The following PCBP3 variants were observed in gnomAD, a reference collection of about 807,000 sequenced individuals.
PCBP3 encodes the protein poly(rC)-binding protein 3.
A neutral mutation model predicts 52.7 loss-of-function variants in PCBP3; 25 were observed. The ratio of observed to expected loss-of-function variants is 0.47; its 90% CI spans 0.35 to 0.66. PCBP3 has a LOEUF of 0.66. PCBP3 is among the 30% of genes least tolerant of loss of function. The probability of loss-of-function intolerance (pLI) is 0.01; values close to 1 mark genes in which losing one functional copy is unlikely to be tolerated. For missense variants in PCBP3, 391 were observed against 490.3 expected, an observed-to-expected ratio of 0.80 and a Z score of 1.91; for synonymous variants, 162 against 183.0, an observed-to-expected ratio of 0.89 and a Z score of 0.93.
chr21:45,731,492 T>G (rs956484452), intron 2 of PCBP3, among the ~76,000 whole-genome samples: 5 of 152,012 alleles, frequency 3.3e-5, no homozygotes, highest in Non-Finnish European at 7.4e-5. Flanking sequence ...ATGAGGAGAG[T>G]TTGCCAAAGT....
intron 4 of PCBP3, among the ~76,000 whole-genome samples, chr21:45,816,744 T>G (rs892131683): frequency 2.7e-5 from 4 of 145,922 alleles, no homozygotes; most frequent in African/African-American, 1.0e-4. Flanking sequence ...TATGTTAACT[T>G]TTTTTTTTTT....
chr21:45,896,738 T>A (rs56167411), intron 6 of PCBP3, among the ~76,000 whole-genome samples: 2 of 146,166 alleles, frequency 1.4e-5, no homozygotes, highest in Admixed American at 6.8e-5. Context: ...GGCCATTGTC[T>A]CTGTAGGAAA....
In PCBP3 at chr21:45,849,197, C is replaced by G. The variant is rs773796910; in HGVS notation, c.-125-764C>G. Among the ~76,000 whole-genome samples the G allele has an allele frequency of 5.9e-4, 81 of 138,078 alleles. 1 individual carries two copies. Among genetic ancestry groups the G allele is most frequent in the Non-Finnish European group, 1.0e-3 (66 of 64,038 alleles). 90.6% of individuals were successfully genotyped at this position (138,078 alleles called of 152,430 possible). A position where few individuals can be genotyped will look rare whatever the true frequency, so the allele number is the denominator to read the frequency against. On this transcript the variant is annotated intron_variant, in intron 4 of 17. Coordinates refer to ENST00000681687, the MANE Select transcript of PCBP3 (RefSeq NM_001384156.1). ...TTTTCTCCCAAGGTTCCAAATATGC[C>G]TTTTTTTTTTTTTCTTTTTTGAGAC...
rs150346308 is a variant in PCBP3, at chr21:45,680,205, C to A, written c.-200+11253C>A. Reference sequence around the variant, plus strand: ...AAAAATGTTTCAGTTATTCTAGTTTCTTTGCTTTTCCATATTTATTTTAGA... The same window carrying A: ...AAAAATGTTTCAGTTATTCTAGTTTATTTGCTTTTCCATATTTATTTTAGA... On this transcript the variant is annotated intron_variant, in intron 2 of 17. Coordinates refer to ENST00000681687, the MANE Select transcript of PCBP3 (RefSeq NM_001384156.1). Among the ~76,000 whole-genome samples, 5 of 152,236 alleles carry A rather than the reference C, an allele frequency of 3.3e-5. No individual in the cohort carries two copies. In the East Asian group the frequency reaches 9.6e-4, roughly 29 times the overall value.
At chr21:45,659,337 CTTTTTTTT>C (rs36113182) in intron 1 of PCBP3, among the ~76,000 whole-genome samples, 28 of 78,750 alleles carry the variant, frequency 3.6e-4, no homozygotes, top group Non-Finnish European at 6.4e-4. Flanking sequence ...TTTTACTTTC[CTTTTTTTT>C]TTTTTTTTTT....
At chr21:45,648,550 G>T (rs901953970) in intron 1 of PCBP3, among the ~76,000 whole-genome samples, 1 of 152,162 alleles carries the variant, frequency 6.6e-6, no homozygotes, top group Non-Finnish European at 1.5e-5. Context: ...AGTAGACCAG[G>T]TATGCACTTA....
At chr21:45,766,745 C>G (rs1377358360) in intron 4 of PCBP3, among the ~76,000 whole-genome samples, 1 of 152,230 alleles carries the variant, frequency 6.6e-6, no homozygotes, top group African/African-American at 2.4e-5. Context: ...CCGATTTCCT[C>G]TCAACAGGAA....
chr21:45,811,015 A>G (rs544236238), intron 4 of PCBP3, among the ~76,000 whole-genome samples: 53 of 152,162 alleles, frequency 3.5e-4, no homozygotes, highest in African/African-American at 1.1e-3. Context: ...CTTGTCTTTC[A>G]TATCTTTTGT....
chr21:45,646,913 G>T (rs753987666), intron 1 of PCBP3, among the ~76,000 whole-genome samples: 1 of 152,194 alleles, frequency 6.6e-6, no homozygotes, highest in Non-Finnish European at 1.5e-5. Flanking sequence ...CTACTGAGTG[G>T]TTGCCAGGCA....
At chr21:45,680,933 T>A (rs1240561838) in intron 2 of PCBP3, among the ~76,000 whole-genome samples, 1 of 152,192 alleles carries the variant, frequency 6.6e-6, no homozygotes, top group African/African-American at 2.4e-5. Flanking sequence ...TTACTTCCCA[T>A]GGTTTGGGAA....
intron 1 of PCBP3, among the ~76,000 whole-genome samples, chr21:45,657,043 G>A (rs1018925889): frequency 3.3e-5 from 5 of 152,050 alleles, no homozygotes; most frequent in East Asian, 1.9e-4. Context: ...GGATGGTCTC[G>A]CTCTCCTGAC....
chr21:45,739,742 A>AC (rs1373081128), intron 3 of PCBP3, among the ~76,000 whole-genome samples: 3 of 62,976 alleles, frequency 4.8e-5, no homozygotes, highest in Non-Finnish European at 9.7e-5. Flanking sequence ...CTCTGGGTGG[A>AC]CCCCCCATCT....
At chr21:45,725,126 A>G (rs936971746) in intron 2 of PCBP3, among the ~76,000 whole-genome samples, 9 of 151,926 alleles carry the variant, frequency 5.9e-5, no homozygotes, top group African/African-American at 2.2e-4. Flanking sequence ...CTGCGATGCT[A>G]GGATGTGTTT....
In PCBP3 at chr21:45,909,451, G is replaced by A. The variant is rs2096282564; in HGVS notation, c.436G>A (p.Gly146Ser). 3.1e-6 allele frequency: 5 copies of A among 1,613,314 alleles called. No individual in the cohort carries two copies. Among genetic ancestry groups the A allele is most frequent in the Non-Finnish European group, 4.2e-6 (5 of 1,179,736 alleles). Reference sequence around the variant, plus strand: ...TGCCAGCCAGTGTGGGTCCCTGATCGGCAAAGGAGGCTCCAAGATCAAGGA... The same window carrying A: ...TGCCAGCCAGTGTGGGTCCCTGATCAGCAAAGGAGGCTCCAAGATCAAGGA... ...VPASQCGSLI[G>S]KGGSKIKEIR... The change falls in exon 10 of 18, where the codon GGC (glycine) becomes AGC (serine). Residue 146 changes from glycine to serine, a missense_variant. Transcript: ENST00000681687.
At chr21:45,883,891 A>T (rs2095458644) in intron 5 of PCBP3, among the ~76,000 whole-genome samples, 1 of 152,188 alleles carries the variant, frequency 6.6e-6, no homozygotes, top group Admixed American at 6.5e-5. Context: ...TTATTACGGT[A>T]TTGAGATGTT....
At chr21:45,822,132 T>C (rs11910200) in intron 4 of PCBP3, among the ~76,000 whole-genome samples, 4,274 of 152,302 alleles carry the variant, frequency 0.028, 220 homozygotes, top group African/African-American at 0.096. Flanking sequence ...GGTATCTCTC[T>C]GTGTTCAGTG....
chr21:45,795,029 A>C (rs1040203115), intron 4 of PCBP3, among the ~76,000 whole-genome samples: 1 of 152,192 alleles, frequency 6.6e-6, no homozygotes, highest in Admixed American at 6.5e-5. Context: ...CATTTTCGTG[A>C]AAAAGATGAA....
chr21:45,674,873 C>A (rs1324591442), intron 2 of PCBP3, among the ~76,000 whole-genome samples: 4 of 152,150 alleles, frequency 2.6e-5, no homozygotes, highest in African/African-American at 9.7e-5. Context: ...AGGGATCCAG[C>A]CCCACATGAC....
At chr21:45,866,772 C>CCTCCT (rs1555997043) in intron 5 of PCBP3, among the ~76,000 whole-genome samples, 1 of 152,128 alleles carries the variant, frequency 6.6e-6, no homozygotes, top group Non-Finnish European at 1.5e-5. Flanking sequence ...GGCTCCAGCA[C>CCTCCT]CCCCTCCCCT....
Sources: gnomAD v4.1 joint callset for allele counts (sites outside exome capture counted in the v4.1 genomes callset) on GRCh38, gnomAD v4.1.1 for gene constraint, MANE v1.5 for transcripts, NCBI Gene and HGNC (gene_info 2026-07-23, HGNC 2026-07-21) for gene names.